The following PRIM2 variants were observed in gnomAD, a reference collection of about 807,000 sequenced individuals.
The protein encoded by PRIM2 is DNA primase subunit 2, also known as DNA primase large subunit.
In PRIM2, 39 loss-of-function variants were observed where a neutral mutation model predicts 67.3. The observed-to-expected ratio is 0.58, with a 90% CI of 0.45 to 0.76. The LOEUF (loss-of-function observed/expected upper bound fraction) is 0.76. PRIM2 is among the 30% of genes least tolerant of loss of function. The pLI, the probability that PRIM2 is intolerant of heterozygous loss-of-function variation, is 0.00. For missense variants in PRIM2, 398 were observed against 598.7 expected, an observed-to-expected ratio of 0.66 and a Z score of 3.50; for synonymous variants, 143 against 198.7, an observed-to-expected ratio of 0.72 and a Z score of 2.36.
chr6:57,449,136 A>G (rs1339329399), intron 7 of PRIM2, among the ~76,000 whole-genome samples: 3 of 152,210 alleles, frequency 2.0e-5, no homozygotes, highest in African/African-American at 4.8e-5. Flanking sequence ...CAATCTTTAA[A>G]TCAAATTGAG....
intron 7 of PRIM2, among the ~76,000 whole-genome samples, chr6:57,453,087 G>T (rs2127391613): frequency 6.6e-6 from 1 of 152,310 alleles, no homozygotes; most frequent in Admixed American, 6.5e-5. Context: ...TCAAAGATGA[G>T]ATGGTTGTAG....
chr6:57,403,732 A>G (rs1276550389), intron 7 of PRIM2, among the ~76,000 whole-genome samples: 18 of 152,168 alleles, frequency 1.2e-4, no homozygotes, highest in Non-Finnish European at 2.4e-4. Context: ...TCATATAGAA[A>G]TAATTTTTAG....
At chr6:57,625,028 G>C (rs1401027891) in intron 12 of PRIM2, among the ~76,000 whole-genome samples, 1 of 152,110 alleles carries the variant, frequency 6.6e-6, no homozygotes, top group African/African-American at 2.4e-5. Context: ...ACTACCATGC[G>C]AACAGTATGG....
intron 7 of PRIM2, among the ~76,000 whole-genome samples, chr6:57,423,133 T>C (rs1451957386): frequency 2.0e-5 from 3 of 152,170 alleles, no homozygotes; most frequent in Admixed American, 6.5e-5. Flanking sequence ...TGCAGTTGAC[T>C]TGGTAGCCTA....
chr6:57,630,795 GA>G (rs1380820177), intron 12 of PRIM2, among the ~76,000 whole-genome samples: 1 of 152,094 alleles, frequency 6.6e-6, no homozygotes, highest in East Asian at 1.9e-4. Flanking sequence ...ATCACAATTT[GA>G]AAATCTGTGT....
At chr6:57,598,940 C>CTT (rs1196895159) in intron 10 of PRIM2, among the ~76,000 whole-genome samples, 13 of 7,582 alleles carry the variant, frequency 1.7e-3, no homozygotes, top group Admixed American at 3.3e-3. Context: ...TGACTGAGCT[C>CTT]TTTTTTTTTT....
Position 57,451,741 on chromosome 6 carries a change from C to CT in PRIM2, c.694-55640dup, listed in dbSNP as rs1344328002. ...TGTTTTGTGTGTGTGTGTGTGTCTGCTTTTTTCTAACTACATACTGGCTTG... is the reference window on the plus strand; with the variant it reads ...TGTTTTGTGTGTGTGTGTGTGTCTGCTTTTTTTCTAACTACATACTGGCTTG... On this transcript the variant is annotated intron_variant, in intron 7 of 13. Transcript: ENST00000615550. 1.3e-3 allele frequency among the ~76,000 whole-genome samples: 189 copies of CT among 149,454 alleles called. 5 individuals carry two copies. The East Asian group carries it at 0.016, about 13-fold the overall frequency.
intron 5 of PRIM2, among the ~76,000 whole-genome samples, chr6:57,361,662 C>T (rs1769205106): frequency 6.6e-6 from 1 of 150,878 alleles, no homozygotes; most frequent in Admixed American, 6.6e-5. Flanking sequence ...TAGCAAAATC[C>T]CACTCCTAAG....
intron 8 of PRIM2, among the ~76,000 whole-genome samples, chr6:57,516,872 G>A (rs1375669220): frequency 6.6e-6 from 1 of 152,180 alleles, no homozygotes; most frequent in East Asian, 1.9e-4. Context: ...TTTAACTAAA[G>A]TAATTATAAT....
At chr6:57,232,519 A>C in the PRIM2 span, among the ~76,000 whole-genome samples, 1 of 152,240 alleles carries the variant, frequency 6.6e-6, no homozygotes, top group African/African-American at 2.4e-5. Context: ...ACTGCACTCC[A>C]GCCTGGGTGA....
intron 3 of PRIM2, among the ~76,000 whole-genome samples, chr6:57,322,297 G>C (rs1264728483): frequency 2.6e-5 from 4 of 151,980 alleles, no homozygotes; most frequent in Non-Finnish European, 5.9e-5. Context: ...TGATAAGTCA[G>C]GGTCTTTAAG....
rs369673115 is a variant in PRIM2, at chr6:57,345,506, G to GTGTGTGTGTGTGTGTGTGTGTGTACA, written c.459+19462_459+19463insGTGTGTGTGTGTGTGTGTGTGTACAT. ...TGTGTGTGTGTGTGTGTGTGTGTGT[G>GTGTGTGTGTGTGTGTGTGTGTGTACA]TACATACATATATATTTATATCCTC... is the stretch of plus-strand genomic sequence containing the variant. On this transcript the variant is annotated intron_variant, in intron 5 of 13. Coordinates refer to ENST00000615550, the MANE Select transcript of PRIM2 (RefSeq NM_000947.5). 2.1e-3 allele frequency among the ~76,000 whole-genome samples: 254 copies of GTGTGTGTGTGTGTGTGTGTGTGTACA among 122,244 alleles called. 2 individuals carry two copies. The highest frequency in any genetic ancestry group is 8.1e-3 in the African/African-American group (245 of 30,130). The allele number at this position is 122,244 out of a possible 152,430, so 80.2% of individuals were successfully genotyped here.
intron 10 of PRIM2, among the ~76,000 whole-genome samples, chr6:57,557,780 AAAAG>A (rs1562791087): frequency 6.6e-6 from 1 of 152,346 alleles, no homozygotes; most frequent in African/African-American, 2.4e-5. Context: ...TTAAAAAAAA[AAAAG>A]AAAAAGATAT....
chr6:57,257,270 A>ATT, the PRIM2 span, among the ~76,000 whole-genome samples: 5 of 144,726 alleles, frequency 3.5e-5, no homozygotes, highest in South Asian at 2.2e-4. Flanking sequence ...ATCTGTAGGC[A>ATT]TTTTTTTTTT....
At chr6:57,308,323 G>A in the PRIM2 span, among the ~76,000 whole-genome samples, 6 of 151,922 alleles carry the variant, frequency 3.9e-5, no homozygotes, top group African/African-American at 1.2e-4. Flanking sequence ...GGGTTTCACC[G>A]TGTTGCTCAG....
chr6:57,595,450 A>G (rs1370118763), intron 10 of PRIM2, among the ~76,000 whole-genome samples: 6 of 152,040 alleles, frequency 3.9e-5, no homozygotes, highest in East Asian at 1.9e-4. Flanking sequence ...CACTTCTGAC[A>G]CTAACTAGAG....
chr6:57,374,630 G>A (rs1182451679), intron 5 of PRIM2, among the ~76,000 whole-genome samples: 2 of 151,808 alleles, frequency 1.3e-5, no homozygotes, highest in Middle Eastern at 3.2e-3. Context: ...TTGCTCTGTC[G>A]CCCAGGCTGG....
chr6:57,643,910 T>C (rs1777290092), intron 13 of PRIM2, among the ~76,000 whole-genome samples: 1 of 152,214 alleles, frequency 6.6e-6, no homozygotes, highest in Non-Finnish European at 1.5e-5. Flanking sequence ...CAGAGATTCC[T>C]AGGGTGCTTA....
intron 7 of PRIM2, among the ~76,000 whole-genome samples, chr6:57,491,594 T>G (rs1773893441): frequency 6.6e-6 from 1 of 152,216 alleles, no homozygotes; most frequent in Non-Finnish European, 1.5e-5. Flanking sequence ...TTTACAGCCA[T>G]AGATACAATG....
Sources: allele counts gnomAD v4.1 joint callset (sites outside exome capture counted in the v4.1 genomes callset), GRCh38; gene constraint gnomAD v4.1.1; transcripts MANE v1.5; gene names NCBI Gene and HGNC (gene_info 2026-07-23, HGNC 2026-07-21).